MAP2: variants seen among roughly 807,000 people sequenced by gnomAD.
The protein encoded by MAP2 is microtubule associated protein 2, also known as microtubule-associated protein 2.
MAP2 carries 14 observed loss-of-function variants against 137.6 expected under a neutral mutation model. The observed-to-expected ratio is 0.10, with a 90% CI of 0.07 to 0.16. MAP2 has a LOEUF of 0.16. Among genes scored for constraint, MAP2 ranks in the 10% least tolerant of loss-of-function variants. MAP2 has a pLI of 1.00. For missense variants in MAP2, 2,088 were observed against 2,191.5 expected, an observed-to-expected ratio of 0.95 and a Z score of 0.94; for synonymous variants, 786 against 782.3, an observed-to-expected ratio of 1.00 and a Z score of -0.08.
intron 3 of MAP2, among the ~76,000 whole-genome samples, chr2:209,619,247 T>G (rs1161817647): frequency 6.6e-6 from 1 of 152,134 alleles, no homozygotes; most frequent in Non-Finnish European, 1.5e-5. Context: ...ATATATTGTA[T>G]TCCTGAAAAA....
intron 1 of MAP2, among the ~76,000 whole-genome samples, chr2:209,454,765 T>C (rs149241746): frequency 7.1e-4 from 108 of 152,322 alleles, no homozygotes; most frequent in Non-Finnish European, 3.2e-4. Flanking sequence ...ATTTGTGTAC[T>C]AGACTAAGGG....
chr2:209,696,387 C>A, intron 8 of MAP2, 37 bp downstream of exon 8: 1 of 1,522,362 alleles, frequency 6.6e-7, no homozygotes, highest in Non-Finnish European at 8.8e-7. Flanking sequence ...AACTCAAACA[C>A]AATAACCTTA....
In MAP2 at chr2:209,733,628, A is replaced by C. The variant is rs1418599459; in HGVS notation, c.*3231A>C. ...AGTTTTCTTCTATTTTTCAAGCCAC[A>C]ATAAGGAAAATAAACTACTCATGGT... is the stretch of plus-strand genomic sequence containing the variant. On this transcript the variant is annotated 3_prime_UTR_variant, in exon 16 of 16. Transcript: ENST00000682079. 1 of 152,166 alleles carries C rather than the reference A, an allele frequency of 6.6e-6. No individual in the cohort carries two copies. Among genetic ancestry groups the C allele is most frequent in the Non-Finnish European group, 1.5e-5 (1 of 68,022 alleles). 9.4% of individuals were successfully genotyped at this position (152,166 alleles called of 1,614,324 possible).
intron 1 of MAP2, among the ~76,000 whole-genome samples, chr2:209,431,928 C>A (rs1052772699): frequency 5.9e-5 from 9 of 152,138 alleles, no homozygotes; most frequent in Non-Finnish European, 1.3e-4. Context: ...GAAACACTTA[C>A]AAAGCTACTG....
At chr2:209,644,111 T>C (rs1420793778) in intron 4 of MAP2, among the ~76,000 whole-genome samples, 1 of 152,196 alleles carries the variant, frequency 6.6e-6, no homozygotes, top group African/African-American at 2.4e-5. Context: ...TTCTAATTTG[T>C]TAAACCTGTG....
intron 2 of MAP2, among the ~76,000 whole-genome samples, chr2:209,516,742 T>C (rs2062569926): frequency 6.6e-6 from 1 of 152,230 alleles, no homozygotes; most frequent in South Asian, 2.1e-4. Context: ...ATTTAGACTG[T>C]CTGGCTACAC....
At chr2:209,548,712 G>C (rs1300791474) in intron 2 of MAP2, among the ~76,000 whole-genome samples, 1 of 152,058 alleles carries the variant, frequency 6.6e-6, no homozygotes, top group Admixed American at 6.6e-5. Flanking sequence ...TTGAATCACG[G>C]GGTGGTTTCT....
At chr2:209,481,199 A>C (rs916353157) in intron 1 of MAP2, among the ~76,000 whole-genome samples, 1 of 152,230 alleles carries the variant, frequency 6.6e-6, no homozygotes, top group Non-Finnish European at 1.5e-5. Flanking sequence ...GGAGAAGGAA[A>C]CAGGAATGGG....
At chr2:209,546,023 G>A (rs1440685067) in intron 2 of MAP2, among the ~76,000 whole-genome samples, 1 of 152,102 alleles carries the variant, frequency 6.6e-6, no homozygotes, top group Non-Finnish European at 1.5e-5. Flanking sequence ...GGTACCTGTA[G>A]TCCCAGCTAC....
At chr2:209,580,160 T>G (rs1205813976) in intron 3 of MAP2, 60 bp downstream of exon 3, 2 of 152,036 alleles carry the variant, frequency 1.3e-5, no homozygotes, top group Non-Finnish European at 2.9e-5. Flanking sequence ...ATTGGAATGT[T>G]TTTATTTAAA....
Position 209,696,069 on chromosome 2 carries a change from A to C in MAP2, c.3899A>C (p.Asp1300Ala), listed in dbSNP as rs1350774641. 1 of 1,614,096 alleles carries C rather than the reference A, an allele frequency of 6.2e-7. No individual in the cohort carries two copies. ...ATCACTGTAGTGCAAACCACAACTGATGAAGGGGAGTCAGGGTCCCACAGC... is the reference window on the plus strand; with the variant it reads ...ATCACTGTAGTGCAAACCACAACTGCTGAAGGGGAGTCAGGGTCCCACAGC... ...DFITVVQTTT[D>A]EGESGSHSVR... Residue 1300 changes from aspartate (D) to alanine (A), a missense_variant, in exon 8 of 16, where the codon GAT becomes GCT. Around this residue, in one of 6 missense-constraint regions of MAP2, gnomAD observed 591 missense variants for 642.6 expected, o/e 0.92. Transcript: ENST00000682079.
chr2:209,694,867 C>G lies in MAP2; in HGVS notation c.2697C>G (p.Gly899=). The G allele has an allele frequency of 6.2e-7, 1 of 1,614,170 alleles. No individual in the cohort carries two copies. Among genetic ancestry groups the G allele is most frequent in the Non-Finnish European group, 8.5e-7 (1 of 1,180,024 alleles). Residue 899 remains glycine (G), a synonymous_variant, in exon 8 of 16, where the codon GGC becomes GGG. Transcript: ENST00000682079. The part of the protein sequence containing the change: ...LSGESGTFYE[G]TDDKVRRDLA... ...GGGAGAGTGGTACCTTTTACGAAGG[C>G]ACTGATGATAAAGTTCGAAGAGATT...
chr2:209,519,748 G>T (rs1438685453), intron 2 of MAP2, among the ~76,000 whole-genome samples: 1 of 152,026 alleles, frequency 6.6e-6, no homozygotes, highest in Non-Finnish European at 1.5e-5. Flanking sequence ...TGTTTTTTAA[G>T]AAAAGTAGTC....
At chr2:209,648,593 C>T (rs114190333) in intron 4 of MAP2, among the ~76,000 whole-genome samples, 1,741 of 132,616 alleles carry the variant, frequency 0.013, 42 homozygotes, top group African/African-American at 0.048. Flanking sequence ...GCGGCCAAGA[C>T]GGTGAAACCC....
intron 4 of MAP2, among the ~76,000 whole-genome samples, chr2:209,649,996 A>G (rs188719751): frequency 2.6e-5 from 4 of 152,308 alleles, no homozygotes; most frequent in Non-Finnish European, 5.9e-5. Flanking sequence ...AATTATCATA[A>G]TATTTTTAAA....
At chr2:209,664,950 G>A (rs561161376) in intron 5 of MAP2, among the ~76,000 whole-genome samples, 51 of 94,874 alleles carry the variant, frequency 5.4e-4, no homozygotes, top group Admixed American at 2.5e-3. Flanking sequence ...GTGACAGAGC[G>A]AAACTCCGTC....
At chr2:209,704,315 T>C (rs1270168295) in intron 11 of MAP2, 2 of 704,934 alleles carry the variant, frequency 2.8e-6, no homozygotes, top group Admixed American at 6.3e-5. Flanking sequence ...TCTCTATCAT[T>C]GATTATAACC....
At chr2:209,459,089 T>TA (rs1279765589) in intron 1 of MAP2, among the ~76,000 whole-genome samples, 3 of 152,202 alleles carry the variant, frequency 2.0e-5, no homozygotes, top group Non-Finnish European at 4.4e-5. Flanking sequence ...ATTTTTTCCC[T>TA]AGTATTCTGG....
chr2:209,561,770 G>A (rs79193386), intron 2 of MAP2, among the ~76,000 whole-genome samples: 2,998 of 152,114 alleles, frequency 0.02, 93 homozygotes, highest in African/African-American at 0.068. Context: ...ATTTTATTTT[G>A]TTATTGGTTT....
Sources: allele counts gnomAD v4.1 joint callset (sites outside exome capture counted in the v4.1 genomes callset), GRCh38; gene constraint gnomAD v4.1.1; regional missense constraint gnomAD v4.1.1; transcripts MANE v1.5; gene names NCBI Gene and HGNC (gene_info 2026-07-23, HGNC 2026-07-21).